Variants in ATP8B1 observed in about 807,000 individuals in gnomAD.
ATP8B1 encodes the protein phospholipid-transporting ATPase IC.
A neutral mutation model predicts 149.9 loss-of-function variants in ATP8B1; 80 were observed. The observed-to-expected ratio is 0.53, with a 90% CI of 0.45 to 0.64. The LOEUF is 0.64. Ranked by LOEUF, ATP8B1 falls within the 30% of genes least tolerant of loss-of-function variation. ATP8B1 has a pLI of 0.00. For synonymous variants in ATP8B1, 536 were observed against 562.8 expected (o/e 0.95, Z 0.67); for missense variants, 1,247 against 1,552.6 (o/e 0.80, Z 3.31).
chr18:57,772,941 A>G (rs75195525), intron 1 of ATP8B1, among the ~76,000 whole-genome samples: 2,359 of 152,268 alleles, frequency 0.015, 70 homozygotes, highest in African/African-American at 0.054. Flanking sequence ...TTTTAATCAG[A>G]TTTGCATTTT....
Position 57,648,571 on chromosome 18 carries a change from G to C in ATP8B1, c.3673C>G (p.Arg1225Gly), listed in dbSNP as rs774849132. 6.2e-7 allele frequency: 1 copy of C among 1,611,222 alleles called. No individual in the cohort carries two copies. Among genetic ancestry groups the C allele is most frequent in the African/African-American group, 1.3e-5 (1 of 74,870 alleles). The change falls in exon 28 of 28, where the codon CGC becomes GGC. Residue 1225 changes from arginine (R) to glycine (G), a missense_variant. Transcript: ENST00000648908. ...GGCGAGCGCTTCTTGCGGATGCTGC[G>C]CCCGGAGGAGATGAGGTCCGCGTAG... ...RGYADLISSGRSIRKKRSPLD... is the reference protein window; with the variant it reads ...RGYADLISSGGSIRKKRSPLD...
At chr18:57,729,921 A>C (rs1002061234) in intron 2 of ATP8B1, among the ~76,000 whole-genome samples, 1 of 152,166 alleles carries the variant, frequency 6.6e-6, no homozygotes, top group Non-Finnish European at 1.5e-5. Flanking sequence ...GAAGGCACTT[A>C]AGCTCAATCC....
intron 13 of ATP8B1, among the ~76,000 whole-genome samples, chr18:57,686,714 C>T (rs556679870): frequency 1.1e-4 from 16 of 152,238 alleles, no homozygotes; most frequent in African/African-American, 2.9e-4. Flanking sequence ...CCACTGTGCC[C>T]GGCCAGAGAT....
At chr18:57,778,064 A>G (rs1349320217) in intron 1 of ATP8B1, among the ~76,000 whole-genome samples, 1 of 152,230 alleles carries the variant, frequency 6.6e-6, no homozygotes, top group Non-Finnish European at 1.5e-5. Flanking sequence ...GGTCAACAAC[A>G]GAAGCATTTA....
chr18:57,700,892 G>A, intron 6 of ATP8B1, 147 bp downstream of exon 6: 1 of 895,384 alleles, frequency 1.1e-6, no homozygotes, highest in Non-Finnish European at 1.8e-6. Context: ...ACTCCAGCCT[G>A]GGCGACAGAG....
In ATP8B1 at chr18:57,704,612, C is replaced by T; in HGVS notation, c.336G>A (p.Leu112=). ...TGGCTGCTCTCTTAAACTGCTCAAA[C>T]AGATTCATTGGTATAAAGGTAAATG... ...YNAFTFIPMN[L]FEQFKRAANL... Residue 112 remains leucine (L), a synonymous_variant, in exon 4 of 28, where the codon CTG becomes CTA. Coordinates refer to ENST00000648908, the MANE Select transcript of ATP8B1 (RefSeq NM_001374385.1). The T allele has an allele frequency of 6.2e-7, 1 of 1,612,424 alleles. No homozygotes were observed. Among genetic ancestry groups the T allele is most frequent in the African/African-American group, 1.3e-5 (1 of 75,004 alleles).
At chr18:57,685,152 A>C (rs767711625) in intron 13 of ATP8B1, 37 bp from the exon 14 acceptor site, 1 of 1,610,968 alleles carries the variant, frequency 6.2e-7, no homozygotes, top group East Asian at 2.2e-5. Flanking sequence ...TTGATTCTAC[A>C]CCTATGTCCA....
At chr18:57,668,209 C>A in intron 19 of ATP8B1, 1 of 1,446,838 alleles carries the variant, frequency 6.9e-7, no homozygotes, top group Non-Finnish European at 9.1e-7. Context: ...TGGCCAGGAG[C>A]TAAATTATAA....
chr18:57,800,666 T>C (rs2080565121), intron 1 of ATP8B1, among the ~76,000 whole-genome samples: 1 of 152,252 alleles, frequency 6.6e-6, no homozygotes, highest in Non-Finnish European at 1.5e-5. Context: ...TCATATGTTC[T>C]CTGATTTAAT....
intron 12 of ATP8B1, 47 bp downstream of exon 12, chr18:57,691,760 T>C (rs1912541057): frequency 1.2e-6 from 2 of 1,603,226 alleles, no homozygotes; most frequent in Non-Finnish European, 1.7e-6. Context: ...TGGGAGAAGG[T>C]ACAACATTCT....
chr18:57,688,794 G>A lies in ATP8B1; in HGVS notation c.1221-287C>T, dbSNP rs572540741. ...AGCTTGCTTGCCCCTTCTGCCATGC[G>A]AGGACATAGCTAGAAGGCACCGGCT... On this transcript the variant is annotated intron_variant, in intron 12 of 27. Coordinates refer to ENST00000648908, the MANE Select transcript of ATP8B1 (RefSeq NM_001374385.1). The A allele has an allele frequency of 9.4e-4, 407 of 431,920 alleles. 1 individual carries two copies. Among genetic ancestry groups the A allele is most frequent in the African/African-American group, 2.1e-3 (103 of 50,074 alleles). 26.8% of individuals were successfully genotyped at this position (431,920 alleles called of 1,614,324 possible). A position where few individuals can be genotyped will look rare whatever the true frequency, so the allele number is the denominator to read the frequency against.
At position 57,802,745 on chromosome 18, in the gene ATP8B1, A is replaced by AC. The variant is rs1233300558; in HGVS notation, c.-26+252dup. Among the ~76,000 whole-genome samples, 1 of 151,836 alleles carries AC rather than the reference A, an allele frequency of 6.6e-6. No homozygotes were observed. The highest frequency in any genetic ancestry group is 1.5e-5 in the Non-Finnish European group (1 of 67,954). On this transcript the variant is annotated intron_variant, in intron 1 of 27. Coordinates refer to ENST00000648908, the MANE Select transcript of ATP8B1 (RefSeq NM_001374385.1). The surrounding 1 kb of genome is among the most constrained non-coding windows in gnomAD (Gnocchi z 4.9). The stretch of plus-strand genomic sequence containing the variant: ...ATTTCCCTCCTCTAGGCAGGTGAAA[A>AC]CCCCACGGAACTCTCCGCAGCGCTG...
rs760877660 is a variant in ATP8B1, at chr18:57,688,375, G to C, written c.1353C>G (p.Ile451Met). The change falls in exon 13 of 28, where the codon ATC (isoleucine) becomes ATG (methionine). Residue 451 changes from isoleucine (I) to methionine (M), a missense_variant. Coordinates refer to ENST00000648908, the MANE Select transcript of ATP8B1 (RefSeq NM_001374385.1). ...TGAGTGTCCCCGTCTTATCAGAGAAGATATAATGGATCTGCCCGAGCTGTT... is the reference window on the plus strand; with the variant it reads ...TGAGTGTCCCCGTCTTATCAGAGAACATATAATGGATCTGCCCGAGCTGTT... ...LNEQLGQIHY[I>M]FSDKTGTLTQ... 18 of 1,614,076 alleles carry C rather than the reference G, an allele frequency of 1.1e-5. No individual in the cohort carries two copies. The highest frequency in any genetic ancestry group is 1.5e-5 in the Non-Finnish European group (18 of 1,180,038).
intron 2 of ATP8B1, among the ~76,000 whole-genome samples, chr18:57,712,234 A>T (rs1015562426): frequency 2.0e-5 from 3 of 152,116 alleles, no homozygotes; most frequent in Admixed American, 1.3e-4. Flanking sequence ...TTGCTGAAAA[A>T]GGACTGAAGA....
chr18:57,787,000 A>C (rs187198483), intron 1 of ATP8B1, among the ~76,000 whole-genome samples: 1 of 152,218 alleles, frequency 6.6e-6, no homozygotes, highest in South Asian at 2.1e-4. Flanking sequence ...GAGCTTAGAC[A>C]AATTTGAGAG....
intron 1 of ATP8B1, among the ~76,000 whole-genome samples, chr18:57,741,556 T>C (rs1198619134): frequency 6.6e-6 from 1 of 152,228 alleles, no homozygotes; most frequent in Non-Finnish European, 1.5e-5. Flanking sequence ...ACCTTAATTG[T>C]AGCCTTGTGA....
intron 15 of ATP8B1, among the ~76,000 whole-genome samples, chr18:57,683,495 G>C (rs1912085328): frequency 6.6e-6 from 1 of 152,164 alleles, no homozygotes; most frequent in Non-Finnish European, 1.5e-5. Flanking sequence ...ATTCTGGCTT[G>C]TTCCCATGAA....
intron 1 of ATP8B1, among the ~76,000 whole-genome samples, chr18:57,734,412 C>G (rs1230345934): frequency 6.6e-6 from 1 of 152,030 alleles, no homozygotes; most frequent in Non-Finnish European, 1.5e-5. Flanking sequence ...CTGGGACATA[C>G]ATTATTTTAA....
At chr18:57,763,525 AGTTT>A (rs1460455929) in intron 1 of ATP8B1, among the ~76,000 whole-genome samples, 1 of 152,232 alleles carries the variant, frequency 6.6e-6, no homozygotes, top group African/African-American at 2.4e-5. Flanking sequence ...AACATTTTCA[AGTTT>A]GTTAGAACTA....
Sources: allele counts gnomAD v4.1 joint callset (sites outside exome capture counted in the v4.1 genomes callset), GRCh38; gene constraint gnomAD v4.1.1; non-coding constraint Gnocchi (gnomAD v3.1); transcripts MANE v1.5; gene names NCBI Gene and HGNC (gene_info 2026-07-23, HGNC 2026-07-21).